The following NTN1 variants were observed in gnomAD, a reference collection of about 807,000 sequenced individuals.
The protein encoded by NTN1 is netrin-1.
A neutral mutation model predicts 54.2 loss-of-function variants in NTN1; 11 were observed. The observed-to-expected ratio is 0.20, with a 90% CI of 0.13 to 0.34. The LOEUF is 0.34. NTN1 is among the 10% of genes least tolerant of loss of function. NTN1 has a pLI of 1.00. For synonymous variants in NTN1, 371 were observed against 382.0 expected (o/e 0.97, Z 0.33); for missense variants, 740 against 893.1 (o/e 0.83, Z 2.18).
At chr17:9,062,976 C>G (rs1324156010) in intron 2 of NTN1, among the ~76,000 whole-genome samples, 3 of 152,118 alleles carry the variant, frequency 2.0e-5, no homozygotes, top group African/African-American at 4.8e-5. Context: ...TGAGCTTCTG[C>G]TTTTCCTATT....
chr17:9,083,030 C>T (rs1309572570), intron 2 of NTN1, among the ~76,000 whole-genome samples: 2 of 152,016 alleles, frequency 1.3e-5, no homozygotes, highest in African/African-American at 4.8e-5. Flanking sequence ...TGACCATCTC[C>T]TCAATACCCT....
chr17:9,022,406 G>C lies in NTN1; in HGVS notation c.33G>C (p.Ala11=). 1 of 1,336,904 alleles carries C rather than the reference G, an allele frequency of 7.5e-7. No homozygotes were observed. The highest frequency in any genetic ancestry group is 9.5e-7 in the Non-Finnish European group (1 of 1,054,668). The allele number at this position is 1,336,904 out of a possible 1,614,324, so 82.8% of individuals were successfully genotyped here. A position where few individuals can be genotyped will look rare whatever the true frequency, so the allele number is the denominator to read the frequency against. Residue 11 remains alanine, a synonymous_variant, in exon 2 of 7, where the codon GCG becomes GCC. Coordinates refer to ENST00000173229, the MANE Select transcript of NTN1 (RefSeq NM_004822.3). ...GCGCAGTGTGGGAGGCGCTGGCGGC[G>C]CTGGCGGCGGTGGCGTGCCTGGTGG... is the stretch of plus-strand genomic sequence containing the variant. MMRAVWEALA[A]LAAVACLVGA...
At chr17:9,019,988 C>G (rs921198959), upstream of NTN1, among the ~76,000 whole-genome samples, 2 of 152,204 alleles carry the variant, frequency 1.3e-5, no homozygotes, top group Admixed American at 1.3e-4. Context: ...TGAATCCAGG[C>G]TGTCCTGCAA....
intron 2 of NTN1, among the ~76,000 whole-genome samples, chr17:9,148,794 G>A (rs545033091): frequency 6.6e-4 from 101 of 152,072 alleles, no homozygotes; most frequent in African/African-American, 2.4e-3. Context: ...TTGGTCACAC[G>A]GGGGTCTGGT....
chr17:9,090,553 T>C (rs141767382), intron 2 of NTN1, among the ~76,000 whole-genome samples: 6 of 152,158 alleles, frequency 3.9e-5, no homozygotes, highest in East Asian at 1.9e-4. Context: ...TGGATGTTTC[T>C]GGTCATTTAG....
chr17:9,158,570 A>G (rs1411764415), intron 2 of NTN1, among the ~76,000 whole-genome samples: 1 of 152,182 alleles, frequency 6.6e-6, no homozygotes, highest in African/African-American at 2.4e-5. Context: ...TTCCAGTGAT[A>G]GGGGTCTTTT....
At chr17:9,115,885 A>T (rs1483238093) in intron 2 of NTN1, among the ~76,000 whole-genome samples, 1 of 152,168 alleles carries the variant, frequency 6.6e-6, no homozygotes, top group African/African-American at 2.4e-5. Flanking sequence ...GGAGGAAGGG[A>T]TTTCGTGTTT....
At position 9,179,963 on chromosome 17, in the gene NTN1, G is replaced by A. The variant is rs2092413764; in HGVS notation, c.1357+7G>A. 1 of 1,609,572 alleles carries A rather than the reference G, an allele frequency of 6.2e-7. No individual in the cohort carries two copies. The highest frequency in any genetic ancestry group is 8.5e-7 in the Non-Finnish European group (1 of 1,178,062). Reference sequence around the variant, plus strand: ...CCCATCGCCCCCTGCATAAGTATGTGTGGGGCACCCTGCTTTTCAAGTCTC... The same window carrying A: ...CCCATCGCCCCCTGCATAAGTATGTATGGGGCACCCTGCTTTTCAAGTCTC... On this transcript the variant is annotated splice_region_variant and intron_variant, in intron 4 of 6. Transcript: ENST00000173229.
intron 5 of NTN1, among the ~76,000 whole-genome samples, chr17:9,217,571 C>G (rs1242648157): frequency 6.6e-6 from 1 of 152,056 alleles, no homozygotes; most frequent in Non-Finnish European, 1.5e-5. Flanking sequence ...TTTCCTTATT[C>G]GGGGGCCATT....
intron 5 of NTN1, among the ~76,000 whole-genome samples, chr17:9,204,862 GGGTAGAGTAACC>G (rs1904925918): frequency 6.6e-6 from 1 of 152,144 alleles, no homozygotes. Context: ...CCATGAGGTT[GGGTAGAGTAACC>G]GGTGGTCTGT....
At position 9,215,766 on chromosome 17, in the gene NTN1, T is replaced by C. The variant is rs188806557; in HGVS notation, c.1412-5402T>C. Among the ~76,000 whole-genome samples, 538 of 152,348 alleles carry C rather than the reference T, an allele frequency of 3.5e-3. 1 individual carries two copies. The highest frequency in any genetic ancestry group is 6.7e-3 in the Non-Finnish European group (458 of 68,044). On this transcript the variant is annotated intron_variant, in intron 5 of 6. Transcript: ENST00000173229. ...TATATTCTTTTCTTGTCCTGGTATT[T>C]CATATGTTTTGCAAAGATGTGTCTG...
intron 2 of NTN1, among the ~76,000 whole-genome samples, chr17:9,155,539 C>T (rs1339838978): frequency 6.6e-6 from 1 of 152,038 alleles, no homozygotes; most frequent in Non-Finnish European, 1.5e-5. Context: ...CGGGGTTTCT[C>T]CATGTTGGTC....
At chr17:9,223,085 G>T (rs936045887) in intron 6 of NTN1, among the ~76,000 whole-genome samples, 3 of 152,170 alleles carry the variant, frequency 2.0e-5, no homozygotes, top group African/African-American at 7.2e-5. Flanking sequence ...CCCTTCAGGG[G>T]TCTACAGTCA....
At chr17:9,106,704 G>A (rs911771149) in intron 2 of NTN1, among the ~76,000 whole-genome samples, 3 of 151,980 alleles carry the variant, frequency 2.0e-5, no homozygotes, top group Admixed American at 6.6e-5. Context: ...AGTAGAGACG[G>A]GGGTTTCACC....
At chr17:9,086,229 G>T (rs914158657) in intron 2 of NTN1, among the ~76,000 whole-genome samples, 3 of 152,190 alleles carry the variant, frequency 2.0e-5, no homozygotes, top group Admixed American at 1.3e-4. Flanking sequence ...TAAGCCGAGT[G>T]CAGTGGTCCT....
chr17:9,161,276 G>A (rs1403498131), intron 2 of NTN1, among the ~76,000 whole-genome samples: 1 of 152,344 alleles, frequency 6.6e-6, no homozygotes, highest in Admixed American at 6.5e-5. Flanking sequence ...GAGTGTCCTG[G>A]GAGGAAGGGA....
At chr17:9,038,159 G>A (rs997654523) in intron 2 of NTN1, among the ~76,000 whole-genome samples, 2 of 151,870 alleles carry the variant, frequency 1.3e-5, no homozygotes, top group Admixed American at 6.6e-5. Flanking sequence ...AGGCTTACCC[G>A]GACTATTCTA....
upstream of NTN1, among the ~76,000 whole-genome samples, chr17:9,018,127 C>A (rs574000421): frequency 2.6e-5 from 4 of 152,164 alleles, no homozygotes; most frequent in East Asian, 7.7e-4. Flanking sequence ...GGTTCTAGAC[C>A]TCCTGGATAC....
intron 6 of NTN1, among the ~76,000 whole-genome samples, chr17:9,232,547 GAA>G (rs1905848808): frequency 6.6e-6 from 1 of 152,132 alleles, no homozygotes. Flanking sequence ...TGGTTGAGGG[GAA>G]ACCTTCAGCC....
Sources: gnomAD v4.1 joint callset for allele counts (sites outside exome capture counted in the v4.1 genomes callset) on GRCh38, gnomAD v4.1.1 for gene constraint, MANE v1.5 for transcripts, NCBI Gene and HGNC (gene_info 2026-07-23, HGNC 2026-07-21) for gene names.